MYH11: variants seen among roughly 807,000 people sequenced by gnomAD.
MYH11 encodes myosin heavy chain 11.
In MYH11, 80 loss-of-function variants were observed where a neutral mutation model predicts 246.6. The observed-to-expected ratio is 0.32, with a 90% CI of 0.27 to 0.39. MYH11 has a LOEUF of 0.39. MYH11 is among the 10% of genes least tolerant of loss of function. The pLI is 1.00. For synonymous variants in MYH11, 1,071 were observed against 1,015.5 expected (o/e 1.05, Z -1.04); for missense variants, 2,158 against 2,546.8 (o/e 0.85, Z 3.29).
intron 37 of MYH11, 123 bp from the exon 38 acceptor site, chr16:15,717,471 C>T (rs751656772): frequency 1.6e-4 from 151 of 972,818 alleles, no homozygotes; most frequent in Non-Finnish European, 2.2e-4. Flanking sequence ...GCACCCTGTC[C>T]TCTCCTTCAT....
chr16:15,775,391 G>A (rs1380674264), intron 8 of MYH11, among the ~76,000 whole-genome samples: 1 of 144,442 alleles, frequency 6.9e-6, no homozygotes, highest in African/African-American at 2.6e-5. Context: ...GTGCTCATTG[G>A]TTTATGTACT....
rs766609666 is a variant in MYH11 at position 15,726,912 on chromosome 16, T to A, written c.3794A>T (p.Gln1265Leu). Reference sequence around the variant, plus strand: ...CCGCTCCCCATCGCTGCACTTGGACTGCAGCTCCTGCACCTGCGCCTCCAG... The same window carrying A: ...CCGCTCCCCATCGCTGCACTTGGACAGCAGCTCCTGCACCTGCGCCTCCAG... ...KKLEAQVQEL[Q>L]SKCSDGERAR... The change falls in exon 28 of 41, where the codon CAG becomes CTG. Residue 1265 changes from glutamine (Q) to leucine (L), a missense_variant. Physicochemically the swap from Gln to Leu is moderately radical, Grantham distance 113. Around this residue, in one of 11 missense-constraint regions of MYH11, gnomAD observed 1,013 missense variants for 993.5 expected, o/e 1.02. Coordinates refer to ENST00000300036, the MANE Select transcript of MYH11 (RefSeq NM_002474.3). The A allele has an allele frequency of 1.9e-6, 3 of 1,612,890 alleles. No homozygotes were observed. Among genetic ancestry groups the A allele is most frequent in the Non-Finnish European group, 2.5e-6 (3 of 1,180,008 alleles).
chr16:15,854,502 G>T (rs9932525), intron 1 of MYH11, among the ~76,000 whole-genome samples: 28,786 of 152,112 alleles, frequency 0.19, 3,349 homozygotes, highest in East Asian at 0.43. Context: ...AAGCCAGTTA[G>T]AATAACAGTA....
At chr16:15,719,448 G>C (rs749686788) in intron 35 of MYH11, 137 bp downstream of exon 35, 27 of 1,487,098 alleles carry the variant, frequency 1.8e-5, no homozygotes, top group Non-Finnish European at 2.5e-5. Flanking sequence ...ACATAGAGGA[G>C]GGAAGCGTGT....
chr16:15,726,701 G>A, intron 28 of MYH11, 147 bp downstream of exon 28: 1 of 920,366 alleles, frequency 1.1e-6, no homozygotes, highest in Non-Finnish European at 1.7e-6. Context: ...TGAACAGGGA[G>A]ATCATCGCCT....
intron 31 of MYH11, among the ~76,000 whole-genome samples, chr16:15,722,395 G>A (rs117080187): frequency 6.6e-6 from 1 of 152,268 alleles, no homozygotes; most frequent in Non-Finnish European, 1.5e-5. Context: ...CCATGCTCAC[G>A]TTAATCTCAT....
chr16:15,707,585 G>C (rs2039524010), intron 40 of MYH11, among the ~76,000 whole-genome samples: 1 of 152,176 alleles, frequency 6.6e-6, no homozygotes. Flanking sequence ...TAAGTATTTT[G>C]GTAGTGACAG....
chr16:15,764,056 A>G (rs1487011283), intron 9 of MYH11, among the ~76,000 whole-genome samples, 165 bp from the exon 10 acceptor site: 1 of 152,194 alleles, frequency 6.6e-6, no homozygotes, highest in African/African-American at 2.4e-5. Context: ...AAAACCTTGC[A>G]TTACAATGGA....
chr16:15,762,691 C>T lies in MYH11; in HGVS notation c.1129+1105G>A, dbSNP rs183204329. 2.3e-3 allele frequency among the ~76,000 whole-genome samples: 355 copies of T among 152,292 alleles called. 5 individuals are homozygous for T. Among genetic ancestry groups the T allele is most frequent in the African/African-American group, 8.3e-3 (345 of 41,564 alleles). On this transcript the variant is annotated intron_variant, in intron 10 of 40. Transcript: ENST00000300036. Reference sequence around the variant, plus strand: ...CCCCTAACCACATTATGCTTAAAAACTCTGATCCACGAATGCTCAAGGAGA... The same window carrying T: ...CCCCTAACCACATTATGCTTAAAAATTCTGATCCACGAATGCTCAAGGAGA...
Position 15,741,750 on chromosome 16 carries a change from A to C in MYH11, c.2652+10T>G, listed in dbSNP as rs757550782. 3 of 1,613,978 alleles carry C rather than the reference A, an allele frequency of 1.9e-6. No individual in the cohort carries two copies. The African/African-American group carries it at 4.0e-5, about 22-fold the overall frequency. The stretch of plus-strand genomic sequence containing the variant: ...CCCCAGCAACCCCAGCCATGCATCC[A>C]TACAGGTACCTGCGAGTGCTTCTGT... On this transcript the variant is annotated intron_variant, in intron 21 of 40. Coordinates refer to ENST00000300036, the MANE Select transcript of MYH11 (RefSeq NM_002474.3).
chr16:15,827,875 G>A (rs1375627632), intron 2 of MYH11, among the ~76,000 whole-genome samples: 1 of 152,176 alleles, frequency 6.6e-6, no homozygotes, highest in Non-Finnish European at 1.5e-5. Flanking sequence ...CCCAGGACAA[G>A]CCTCCCAAAG....
chr16:15,703,959 T>G lies in MYH11; in HGVS notation c.*32A>C. On this transcript the variant is annotated 3_prime_UTR_variant, in exon 41 of 41. Transcript: ENST00000300036. Reference sequence around the variant, plus strand: ...GTTTGTTTGTTTTGGTTTTTGGTTTTCTTGCCGTGGTGCAAAACTGTAGAA... The same window carrying G: ...GTTTGTTTGTTTTGGTTTTTGGTTTGCTTGCCGTGGTGCAAAACTGTAGAA... The G allele has an allele frequency of 6.2e-7, 1 of 1,613,844 alleles. No homozygotes were observed. The highest frequency in any genetic ancestry group is 1.3e-5 in the African/African-American group (1 of 75,028).
chr16:15,704,128 G>C lies in MYH11; in HGVS notation c.5787-5C>G. The C allele has an allele frequency of 6.2e-7, 1 of 1,613,814 alleles. No individual in the cohort carries two copies. Among genetic ancestry groups the C allele is most frequent in the Non-Finnish European group, 8.5e-7 (1 of 1,179,910 alleles). On this transcript the variant is annotated splice_polypyrimidine_tract_variant and splice_region_variant and intron_variant, in intron 40 of 40. Transcript: ENST00000300036. ...AAAGAGGTCTCGTTTCCTCGCCTGTGGGTTGTAAGAAAACACATTATTTAG... is the reference window on the plus strand; with the variant it reads ...AAAGAGGTCTCGTTTCCTCGCCTGTCGGTTGTAAGAAAACACATTATTTAG...
chr16:15,720,074 C>G (rs977746535), intron 34 of MYH11, 77 bp downstream of exon 34: 2 of 1,594,540 alleles, frequency 1.3e-6, no homozygotes, highest in Non-Finnish European at 1.7e-6. Context: ...TCCTGGAGCC[C>G]GCTCTGCTGA....
At chr16:15,706,655 C>T (rs1474430935) in intron 40 of MYH11, among the ~76,000 whole-genome samples, 1 of 151,120 alleles carries the variant, frequency 6.6e-6, no homozygotes, top group African/African-American at 2.4e-5. Context: ...TGCAGTGAGC[C>T]AACGTTGTGC....
chr16:15,729,977 C>T (rs962197610), intron 27 of MYH11, among the ~76,000 whole-genome samples: 2 of 152,136 alleles, frequency 1.3e-5, no homozygotes, highest in African/African-American at 2.4e-5. Context: ...TGAGCCACCG[C>T]GCCCGGCCTT....
intron 26 of MYH11, among the ~76,000 whole-genome samples, chr16:15,735,067 T>TACTCAG (rs901119418): frequency 1.3e-5 from 2 of 151,074 alleles, no homozygotes; most frequent in African/African-American, 4.9e-5. Context: ...TAATCCCAGC[T>TACTCAG]ACTCAGGAGG....
intron 13 of MYH11, among the ~76,000 whole-genome samples, chr16:15,757,148 G>C (rs2041745942): frequency 6.6e-6 from 1 of 151,538 alleles, no homozygotes; most frequent in Non-Finnish European, 1.5e-5. Flanking sequence ...AATTCACCTA[G>C]GGTTCCTGTT....
At chr16:15,828,344 C>T (rs773412773) in intron 2 of MYH11, among the ~76,000 whole-genome samples, 4 of 152,162 alleles carry the variant, frequency 2.6e-5, no homozygotes, top group African/African-American at 4.8e-5. Flanking sequence ...AGAGGGAAGT[C>T]TTGCCACCTT....
Sources: allele counts gnomAD v4.1 joint callset (sites outside exome capture counted in the v4.1 genomes callset), GRCh38; gene constraint gnomAD v4.1.1; regional missense constraint gnomAD v4.1.1; transcripts MANE v1.5; gene names NCBI Gene and HGNC (gene_info 2026-07-23, HGNC 2026-07-21).